The following USP34 variants were observed in gnomAD, a reference collection of about 807,000 sequenced individuals.
The protein encoded by USP34 is ubiquitin specific peptidase 34, also known as ubiquitin carboxyl-terminal hydrolase 34.
A neutral mutation model predicts 460.3 loss-of-function variants in USP34; 70 were observed. The observed-to-expected ratio is 0.15, with a 90% CI of 0.13 to 0.19. The LOEUF is 0.19. USP34 is among the 10% of genes least tolerant of loss of function. USP34 has a pLI of 1.00. For missense variants in USP34, 3,985 were observed against 4,236.2 expected (o/e 0.94, Z 1.65); for synonymous variants, 1,647 against 1,405.3 (o/e 1.17, Z -3.85).
At chr2:61,189,211 G>T in intron 78 of USP34, 142 bp from the exon 79 acceptor site, 1 of 836,080 alleles carries the variant, frequency 1.2e-6, no homozygotes, top group Non-Finnish European at 1.8e-6. Context: ...TTCTTAGAAT[G>T]ATAAAACCAG....
At chr2:61,276,541 G>C (rs1469474689) in intron 41 of USP34, among the ~76,000 whole-genome samples, 1 of 152,240 alleles carries the variant, frequency 6.6e-6, no homozygotes, top group African/African-American at 2.4e-5. Context: ...CATAGCATGA[G>C]AGGAAATCAA....
intron 75 of USP34, among the ~76,000 whole-genome samples, chr2:61,201,063 A>G (rs1047573938): frequency 6.6e-6 from 1 of 152,124 alleles, no homozygotes; most frequent in Non-Finnish European, 1.5e-5. Flanking sequence ...CACCAGTCAC[A>G]TTTGGCTATT....
intron 34 of USP34, among the ~76,000 whole-genome samples, chr2:61,285,978 C>A (rs747453209): frequency 5.3e-5 from 8 of 152,196 alleles, no homozygotes; most frequent in Non-Finnish European, 1.2e-4. Flanking sequence ...TGTTTCTGCA[C>A]TGGGGCAGGC....
chr2:61,394,800 T>C (rs1693466361), intron 5 of USP34, 53 bp downstream of exon 5: 1 of 1,336,008 alleles, frequency 7.5e-7, no homozygotes, highest in South Asian at 2.2e-5. Flanking sequence ...TTCATGTTAC[T>C]GATATGCTAG....
At chr2:61,450,043 G>A (rs767583232) in intron 1 of USP34, among the ~76,000 whole-genome samples, 15 of 151,768 alleles carry the variant, frequency 9.9e-5, no homozygotes, top group Non-Finnish European at 2.2e-4. Context: ...TCCAGCCTGG[G>A]CAACAAACCA....
intron 53 of USP34, 39 bp downstream of exon 53, chr2:61,241,516 TTAACA>T (rs1688259562): frequency 6.9e-7 from 1 of 1,445,528 alleles, no homozygotes; most frequent in African/African-American, 1.4e-5. Flanking sequence ...GCATAAACAC[TTAACA>T]TATTTTTAAA....
chr2:61,348,772 C>T lies in USP34; in HGVS notation c.1658G>A (p.Arg553Gln), dbSNP rs1691849280. 3.7e-6 allele frequency: 6 copies of T among 1,611,936 alleles called. No homozygotes were observed. Among genetic ancestry groups the T allele is most frequent in the Middle Eastern group, 1.7e-4 (1 of 6,038 alleles). ...LINRTKHVQQ[R>Q]LSDTEESMQG... ...TTTTCATACCTCTGTGTCTGAAAGT[C>T]GTTGTTGCACATGTTTGGTTCTATT... Residue 553 changes from arginine (R) to glutamine (Q), a missense_variant, in exon 14 of 80, where the codon CGA (arginine) becomes CAA (glutamine). By Grantham distance (43) the Arg-to-Gln change is conservative. Transcript: ENST00000398571.
At chr2:61,348,726 C>T in intron 14 of USP34, 30 bp downstream of exon 14, 1 of 1,598,120 alleles carries the variant, frequency 6.3e-7, no homozygotes, top group Non-Finnish European at 8.5e-7. Context: ...CCAAAAATGC[C>T]TATAAAAGAA....
intron 33 of USP34, 131 bp from the exon 34 acceptor site, chr2:61,289,008 C>A: frequency 1.1e-6 from 1 of 906,940 alleles, no homozygotes; most frequent in South Asian, 1.8e-5. Flanking sequence ...TATAAAAATT[C>A]TGCTGCTCAA....
At chr2:61,354,831 C>G (rs1305310881) in intron 10 of USP34, among the ~76,000 whole-genome samples, 1 of 152,132 alleles carries the variant, frequency 6.6e-6, no homozygotes, top group African/African-American at 2.4e-5. Flanking sequence ...CTGAGGCAGA[C>G]CCTTGGGTGA....
chr2:61,311,763 A>T, intron 26 of USP34, 21 bp downstream of exon 26: 1 of 1,611,000 alleles, frequency 6.2e-7, no homozygotes, highest in South Asian at 1.1e-5. Flanking sequence ...ATCAACTTCG[A>T]AATTAAAACT....
intron 41 of USP34, among the ~76,000 whole-genome samples, chr2:61,268,458 A>C (rs1237885967): frequency 6.7e-6 from 1 of 149,948 alleles, no homozygotes; most frequent in African/African-American, 2.4e-5. Flanking sequence ...AAAAAAAAAA[A>C]AAAAAAAAAA....
At chr2:61,354,204 C>T (rs1692038766) in intron 10 of USP34, among the ~76,000 whole-genome samples, 1 of 152,160 alleles carries the variant, frequency 6.6e-6, no homozygotes, top group African/African-American at 2.4e-5. Context: ...CCTATCGATA[C>T]ACAATGCAAT....
chr2:61,295,850 G>T (rs1690010240), intron 30 of USP34, among the ~76,000 whole-genome samples: 2 of 152,158 alleles, frequency 1.3e-5, no homozygotes, highest in African/African-American at 4.8e-5. Flanking sequence ...AAAATCACAT[G>T]ATAATGTTCC....
At chr2:61,271,545 G>C (rs1268536037) in intron 41 of USP34, among the ~76,000 whole-genome samples, 1 of 151,904 alleles carries the variant, frequency 6.6e-6, no homozygotes, top group Non-Finnish European at 1.5e-5. Flanking sequence ...AATAGAGATA[G>C]GAATGATACT....
intron 1 of USP34, among the ~76,000 whole-genome samples, chr2:61,450,797 CG>C (rs1695247797): frequency 6.7e-6 from 1 of 149,626 alleles, no homozygotes; most frequent in Non-Finnish European, 1.5e-5. Flanking sequence ...TATTTCCTTT[CG>C]GGAAAGACAC....
At position 61,288,839 on chromosome 2, in the gene USP34, T is replaced by C. The variant is rs772570914; in HGVS notation, c.4587A>G (p.Ile1529Met). Reference sequence around the variant, plus strand: ...CGGATGGATCTACTGCAAACTGGCATATTAACTTCAGCAAGCAAGCAAGAC... The same window carrying C: ...CGGATGGATCTACTGCAAACTGGCACATTAACTTCAGCAAGCAAGCAAGAC... ...LDCLACLLKL[I>M]CQFAVDPSDL... The change falls in exon 34 of 80, where the codon ATA becomes ATG. Residue 1529 changes from isoleucine to methionine, a missense_variant. Ile to Met is a conservative substitution (Grantham distance 10). Transcript: ENST00000398571. 1 of 1,613,482 alleles carries C rather than the reference T, an allele frequency of 6.2e-7. No individual in the cohort carries two copies. The highest frequency in any genetic ancestry group is 1.3e-5 in the African/African-American group (1 of 74,930).
chr2:61,427,926 G>A (rs1367658198), intron 1 of USP34, among the ~76,000 whole-genome samples: 2 of 152,092 alleles, frequency 1.3e-5, no homozygotes, highest in Admixed American at 1.3e-4. Context: ...ACTTTGGATG[G>A]CTGAGGGAGG....
intron 65 of USP34, among the ~76,000 whole-genome samples, chr2:61,222,265 C>A (rs1374761119): frequency 6.6e-6 from 1 of 152,134 alleles, no homozygotes; most frequent in African/African-American, 2.4e-5. Flanking sequence ...TTATATAACA[C>A]TGCATTCTAT....
Sources: allele counts gnomAD v4.1 joint callset (sites outside exome capture counted in the v4.1 genomes callset), GRCh38; gene constraint gnomAD v4.1.1; transcripts MANE v1.5; gene names NCBI Gene and HGNC (gene_info 2026-07-23, HGNC 2026-07-21).